The following PCDHGB5 variants were observed in gnomAD, a reference collection of about 807,000 sequenced individuals.
The protein encoded by PCDHGB5 is protocadherin gamma subfamily B, 5, also known as protocadherin gamma-B5.
In PCDHGB5, 48 loss-of-function variants were observed where a neutral mutation model predicts 62.9. The observed-to-expected ratio is 0.76, with a 90% CI of 0.61 to 0.97. The LOEUF (loss-of-function observed/expected upper bound fraction) is 0.97, where lower values mean the gene tolerates loss of function less well. Among genes scored for constraint, PCDHGB5 ranks in the 50% least tolerant of loss-of-function variants. The pLI, the probability that PCDHGB5 is intolerant of heterozygous loss-of-function variation, is 0.00. For synonymous variants in PCDHGB5, 474 were observed against 511.2 expected, an observed-to-expected ratio of 0.93 and a Z score of 0.98; for missense variants, 1,118 against 1,198.6, an observed-to-expected ratio of 0.93 and a Z score of 0.99.
rs2099664737 is a variant in PCDHGB5, at chr5:141,487,754, G to GTAGAC, written c.2398-7052_2398-7048dup. 1 of 1,552,036 alleles carries GTAGAC rather than the reference G, an allele frequency of 6.4e-7. No homozygotes were observed. The highest frequency in any genetic ancestry group is 1.4e-5 in the African/African-American group (1 of 73,242). ...CATTTTTGTAAGAGGTAACTATGTG[G>GTAGAC]TAGACGCTGTGCTTTGTAACTGTTT... On this transcript the variant is annotated intron_variant, in intron 1 of 3. Transcript: ENST00000617380. This position sits in a 1 kb window ranked among gnomAD's most constrained non-coding sequence, Gnocchi z 5.0.
intron 1 of PCDHGB5, chr5:141,404,627 G>GC (rs2094548617): frequency 6.2e-7 from 1 of 1,614,026 alleles, no homozygotes; most frequent in Non-Finnish European, 8.5e-7. Flanking sequence ...GAATGACAAT[G>GC]CCCCAGAAAT....
chr5:141,481,868 C>A (rs983373194), intron 1 of PCDHGB5, among the ~76,000 whole-genome samples: 4 of 147,412 alleles, frequency 2.7e-5, no homozygotes, highest in African/African-American at 1.0e-4. Flanking sequence ...GAGCCGAGAT[C>A]GCGCCACTGC....
chr5:141,444,722 C>T (rs72790051), intron 1 of PCDHGB5, among the ~76,000 whole-genome samples: 3,290 of 152,024 alleles, frequency 0.022, 51 homozygotes, highest in South Asian at 0.038. Flanking sequence ...TGCTTGGTGC[C>T]TTTGTTGAAA....
chr5:141,408,526 T>C, intron 1 of PCDHGB5: 3 of 1,614,028 alleles, frequency 1.9e-6, no homozygotes, highest in Non-Finnish European at 2.5e-6. Flanking sequence ...AATTGGAAGC[T>C]GTGGTGGAAA....
chr5:141,408,527 G>T lies in PCDHGB5; in HGVS notation c.2397+8003G>T, dbSNP rs1239443007. ...AAGATGTGAGTTGCAATTGGAAGCT[G>T]TGGTGGAAAATCCTTTAAATATTTT... On this transcript the variant is annotated intron_variant, in intron 1 of 3. Coordinates refer to ENST00000617380, the MANE Select transcript of PCDHGB5 (RefSeq NM_018925.3). 2.5e-6 allele frequency: 4 copies of T among 1,613,954 alleles called. No homozygotes were observed. The African/African-American group carries it at 5.3e-5, about 22-fold the overall frequency.
chr5:141,407,135 GA>G (rs796659459), intron 1 of PCDHGB5, among the ~76,000 whole-genome samples: 93 of 151,930 alleles, frequency 6.1e-4, no homozygotes, highest in African/African-American at 2.2e-3. Flanking sequence ...TTATTTTTAA[GA>G]AAAAAAAGCT....
intron 1 of PCDHGB5, among the ~76,000 whole-genome samples, chr5:141,461,181 A>T (rs1322465700): frequency 1.3e-5 from 2 of 152,104 alleles, no homozygotes; most frequent in Non-Finnish European, 2.9e-5. Flanking sequence ...ATTGAATGGT[A>T]GATCTGTTTT....
chr5:141,415,907 T>C, intron 1 of PCDHGB5: 1 of 779,592 alleles, frequency 1.3e-6, no homozygotes. Context: ...CAGACTTCCA[T>C]ACAGAAGTGC....
intron 1 of PCDHGB5, among the ~76,000 whole-genome samples, chr5:141,482,089 CA>C (rs36035257): frequency 0.43 from 58,297 of 134,322 alleles, 12,050 homozygotes; most frequent in African/African-American, 0.53. Context: ...CACTCCATCT[CA>C]AAAAAAAAAA....
rs754537015 is a variant in PCDHGB5 at position 141,431,184 on chromosome 5, T to C, written c.2397+30660T>C. The C allele has an allele frequency of 2.5e-6, 4 of 1,614,090 alleles. No individual in the cohort carries two copies. In the South Asian group the frequency reaches 3.3e-5, roughly 13 times the overall value. ...CGTGAAAGTGAATTAGAAATAAAAATTAGTGAAAATGCAGCCACTGAGATG... is the reference window on the plus strand; with the variant it reads ...CGTGAAAGTGAATTAGAAATAAAAACTAGTGAAAATGCAGCCACTGAGATG... On this transcript the variant is annotated intron_variant, in intron 1 of 3. Coordinates refer to ENST00000617380, the MANE Select transcript of PCDHGB5 (RefSeq NM_018925.3). This position sits in a 1 kb window ranked among gnomAD's most constrained non-coding sequence, Gnocchi z 4.8.
At chr5:141,413,855 C>G (rs2095686270) in intron 1 of PCDHGB5, 1 of 1,613,206 alleles carries the variant, frequency 6.2e-7, no homozygotes, top group African/African-American at 1.3e-5. Flanking sequence ...CCTCTCCGAT[C>G]TGGCACTGTC....
chr5:141,434,506 T>C (rs2154556236), intron 1 of PCDHGB5, among the ~76,000 whole-genome samples: 2 of 152,344 alleles, frequency 1.3e-5, no homozygotes, highest in East Asian at 3.9e-4. Context: ...GGCAGAAAAC[T>C]GCTTAAAGGT....
At chr5:141,403,211 G>A (rs1253134514) in intron 1 of PCDHGB5, 2 of 1,613,856 alleles carry the variant, frequency 1.2e-6, no homozygotes, top group Non-Finnish European at 1.7e-6. Flanking sequence ...CTTGGTCACC[G>A]CGGGTAGGAT....
chr5:141,409,828 C>CG (rs2095322406), intron 1 of PCDHGB5: 1 of 1,611,010 alleles, frequency 6.2e-7, no homozygotes, highest in African/African-American at 1.3e-5. Flanking sequence ...CGCCCACGCT[C>CG]AGCGCCAACG....
chr5:141,432,481 C>G lies in PCDHGB5; in HGVS notation c.2397+31957C>G. 6.2e-7 allele frequency: 1 copy of G among 1,614,198 alleles called. No homozygotes were observed. On this transcript the variant is annotated intron_variant, in intron 1 of 3. Coordinates refer to ENST00000617380, the MANE Select transcript of PCDHGB5 (RefSeq NM_018925.3). This position sits in a 1 kb window ranked among gnomAD's most constrained non-coding sequence, Gnocchi z 6.0. ...CCCTCCCCACGGACGGTTCCACTGG[C>G]GTGGAGCTGGCTCCCCGCTCCGCAG...
intron 1 of PCDHGB5, chr5:141,421,399 C>G: frequency 4.3e-6 from 7 of 1,614,046 alleles, no homozygotes; most frequent in Non-Finnish European, 5.1e-6. Context: ...GCTGGAGCCC[C>G]GGGAGCTGGC....
rs2099699514 is a variant in PCDHGB5 at position 141,490,385 on chromosome 5, A to G, written c.2398-4422A>G. 1 of 1,614,190 alleles carries G rather than the reference A, an allele frequency of 6.2e-7. No individual in the cohort carries two copies. Among genetic ancestry groups the G allele is most frequent in the African/African-American group, 1.3e-5 (1 of 75,032 alleles). ...GTGCGAGACCGGGACTCAGGTAGAA[A>G]TGGTGAAGTGAGCCTTGATATCTCT... On this transcript the variant is annotated intron_variant, in intron 1 of 3. Coordinates refer to ENST00000617380, the MANE Select transcript of PCDHGB5 (RefSeq NM_018925.3). This position sits in a 1 kb window ranked among gnomAD's most constrained non-coding sequence, Gnocchi z 5.4.
At chr5:141,404,126 T>G in intron 1 of PCDHGB5, 1 of 1,613,316 alleles carries the variant, frequency 6.2e-7, no homozygotes, top group Non-Finnish European at 8.5e-7. Context: ...GAATCTATCT[T>G]TTACATTAGA....
intron 1 of PCDHGB5, among the ~76,000 whole-genome samples, chr5:141,407,218 G>A (rs1056826116): frequency 1.3e-5 from 2 of 152,108 alleles, no homozygotes; most frequent in Admixed American, 6.5e-5. Flanking sequence ...CCTTAAGTGG[G>A]TAGCAAAAAA....
Sources: gnomAD v4.1 joint callset for allele counts (sites outside exome capture counted in the v4.1 genomes callset) on GRCh38, gnomAD v4.1.1 for gene constraint, Gnocchi (gnomAD v3.1) non-coding constraint, MANE v1.5 for transcripts, NCBI Gene and HGNC (gene_info 2026-07-23, HGNC 2026-07-21) for gene names.